PSD3: variants seen among roughly 807,000 people sequenced by gnomAD.
PSD3 encodes PH and SEC7 domain-containing protein 3.
A neutral mutation model predicts 105.5 loss-of-function variants in PSD3; 49 were observed. That is an observed-to-expected ratio of 0.46 (90% CI 0.37 to 0.59). The LOEUF (loss-of-function observed/expected upper bound fraction) is 0.59, where lower values mean the gene tolerates loss of function less well. Among genes scored for constraint, PSD3 ranks in the 20% least tolerant of loss-of-function variants. PSD3 has a pLI of 0.00. For synonymous variants in PSD3, 557 were observed against 457.8 expected, an observed-to-expected ratio of 1.22 and a Z score of -2.77; for missense variants, 1,561 against 1,263.8, an observed-to-expected ratio of 1.24 and a Z score of -3.57.
At chr8:18,817,071 G>A (rs1812277585) in intron 4 of PSD3, among the ~76,000 whole-genome samples, 1 of 152,140 alleles carries the variant, frequency 6.6e-6, no homozygotes, top group African/African-American at 2.4e-5. Context: ...TGGCCCAGAG[G>A]AGCCTCCATG....
intron 14 of PSD3, among the ~76,000 whole-genome samples, chr8:18,560,806 T>C (rs779462464): frequency 5.3e-5 from 8 of 152,304 alleles, no homozygotes; most frequent in African/African-American, 9.6e-5. Flanking sequence ...TATGGTTTCA[T>C]TGTATCCCCT....
chr8:18,764,170 T>C (rs1459280036), intron 9 of PSD3, among the ~76,000 whole-genome samples: 1 of 152,202 alleles, frequency 6.6e-6, no homozygotes, highest in East Asian at 1.9e-4. Flanking sequence ...TCCTGTCAAC[T>C]TTCATTTCTG....
rs147544937 is a variant in PSD3, at chr8:18,976,252, G to A, written c.21+37311C>T. Among the ~76,000 whole-genome samples the A allele has an allele frequency of 2.9e-3, 442 of 152,042 alleles. 4 individuals carry two copies. The highest frequency in any genetic ancestry group is 0.01 in the African/African-American group (423 of 41,490). Reference sequence around the variant, plus strand: ...AAATAAAACTATCCAATAAAACCACGAAGACAGTTCACAAAAAAAGAAATA... The same window carrying A: ...AAATAAAACTATCCAATAAAACCACAAAGACAGTTCACAAAAAAAGAAATA... On this transcript the variant is annotated intron_variant, in intron 1 of 15. Transcript: ENST00000327040.
At chr8:18,736,565 A>C (rs1018762333) in intron 9 of PSD3, among the ~76,000 whole-genome samples, 1 of 152,196 alleles carries the variant, frequency 6.6e-6, no homozygotes, top group East Asian at 1.9e-4. Context: ...ATAATCACCC[A>C]AAATCCCCAA....
At chr8:18,990,626 C>T (rs1360865914) in intron 1 of PSD3, among the ~76,000 whole-genome samples, 1 of 152,164 alleles carries the variant, frequency 6.6e-6, no homozygotes, top group Admixed American at 6.5e-5. Context: ...CTCCTCATCC[C>T]CACCCGGGCA....
At chr8:18,599,021 G>A (rs941965432) in intron 12 of PSD3, among the ~76,000 whole-genome samples, 34 of 151,470 alleles carry the variant, frequency 2.2e-4, no homozygotes, top group Admixed American at 1.9e-3. Context: ...TATCCCAGTG[G>A]AATTTTTTAC....
chr8:19,011,444 ATATGTAAATATCAAGGTTTT>A (rs963525197), intron 1 of PSD3, among the ~76,000 whole-genome samples: 16 of 152,226 alleles, frequency 1.1e-4, no homozygotes, highest in African/African-American at 3.1e-4. Flanking sequence ...TGGCAAACAA[ATATGTAAATATCAAGGTTTT>A]AGAAAGAGGG....
intron 2 of PSD3, among the ~76,000 whole-genome samples, chr8:18,918,820 G>C (rs971063248): frequency 6.6e-6 from 1 of 152,028 alleles, no homozygotes; most frequent in African/African-American, 2.4e-5. Flanking sequence ...TACGTGGAGG[G>C]AGGGCACTGT....
chr8:18,965,207 A>T (rs1824164012), intron 1 of PSD3, among the ~76,000 whole-genome samples: 1 of 152,310 alleles, frequency 6.6e-6, no homozygotes, highest in South Asian at 2.1e-4. Context: ...TTCTATGACA[A>T]TAACCTCATT....
In PSD3 at chr8:18,872,453, A is replaced by G. The variant is rs1817445219; in HGVS notation, c.411T>C (p.Ala137=). 2 of 1,614,018 alleles carry G rather than the reference A, an allele frequency of 1.2e-6. No individual in the cohort carries two copies. The highest frequency in any genetic ancestry group is 1.7e-6 in the Non-Finnish European group (2 of 1,180,030). The change falls in exon 3 of 16, where the codon GCT becomes GCC. Residue 137 remains alanine, a synonymous_variant. Transcript: ENST00000327040. The part of the protein sequence containing the change: ...SLQPIDSLIS[A]LKATEARIIS... ...TGATTCTGGCTTCTGTGGCTTTCAG[A>G]GCTGAAATCAAAGAGTCAATGGGCT...
intron 1 of PSD3, among the ~76,000 whole-genome samples, chr8:18,970,336 A>AAC (rs1293401722): frequency 6.7e-6 from 1 of 149,856 alleles, no homozygotes; most frequent in African/African-American, 2.4e-5. Context: ...AAAAAAAAAA[A>AAC]AAAAAAAAAA....
At chr8:18,764,097 C>G (rs985126107) in intron 9 of PSD3, among the ~76,000 whole-genome samples, 1 of 152,092 alleles carries the variant, frequency 6.6e-6, no homozygotes, top group Non-Finnish European at 1.5e-5. Context: ...AATAATTTGC[C>G]AACCGTCATG....
intron 4 of PSD3, among the ~76,000 whole-genome samples, chr8:18,834,790 T>A (rs1164866672): frequency 1.3e-5 from 2 of 152,168 alleles, no homozygotes; most frequent in Non-Finnish European, 2.9e-5. Flanking sequence ...AGTTCTTGTG[T>A]CTGGGAGGTC....
At chr8:18,661,153 A>G (rs1007978606) in intron 9 of PSD3, among the ~76,000 whole-genome samples, 2 of 151,956 alleles carry the variant, frequency 1.3e-5, no homozygotes, top group South Asian at 2.1e-4. Flanking sequence ...TTTTAGTTCA[A>G]TCATCTCTAA....
chr8:18,925,389 G>GTATA lies in PSD3; in HGVS notation c.130+10641_130+10644dup, dbSNP rs34212482. Among the ~76,000 whole-genome samples, 544 of 147,752 alleles carry GTATA rather than the reference G, an allele frequency of 3.7e-3. 3 individuals carry two copies. The highest frequency in any genetic ancestry group is 0.011 in the African/African-American group (449 of 40,408). ...CACTTCCAGGCAACTATCTCTAAAA[G>GTATA]TATATATATATATATATACACACAC... On this transcript the variant is annotated intron_variant, in intron 2 of 15. Coordinates refer to ENST00000327040, the MANE Select transcript of PSD3 (RefSeq NM_015310.4).
chr8:18,920,331 A>C (rs941177700), intron 2 of PSD3, among the ~76,000 whole-genome samples: 2 of 152,214 alleles, frequency 1.3e-5, no homozygotes, highest in Admixed American at 6.5e-5. Context: ...TAAATATCAC[A>C]AAGGGGAAAT....
At chr8:18,952,795 A>G (rs1029488075) in intron 1 of PSD3, among the ~76,000 whole-genome samples, 1 of 152,196 alleles carries the variant, frequency 6.6e-6, no homozygotes, top group African/African-American at 2.4e-5. Flanking sequence ...CATATGGACA[A>G]TTTGGAGACA....
intron 13 of PSD3, among the ~76,000 whole-genome samples, chr8:18,574,820 C>G (rs1249977884): frequency 1.3e-5 from 2 of 152,158 alleles, no homozygotes; most frequent in East Asian, 1.9e-4. Flanking sequence ...GTCTGTTTTA[C>G]TCATTTTGCG....
chr8:18,907,624 C>A (rs540833727), intron 2 of PSD3, among the ~76,000 whole-genome samples: 6 of 152,304 alleles, frequency 3.9e-5, no homozygotes, highest in African/African-American at 1.4e-4. Flanking sequence ...ATAAGCTATA[C>A]CATATAGCCT....
Sources: allele counts gnomAD v4.1 joint callset (sites outside exome capture counted in the v4.1 genomes callset), GRCh38; gene constraint gnomAD v4.1.1; transcripts MANE v1.5; gene names NCBI Gene and HGNC (gene_info 2026-07-23, HGNC 2026-07-21).